Variants in FAM219A observed in about 807,000 individuals in gnomAD.
FAM219A encodes protein FAM219A.
FAM219A carries 7 observed loss-of-function variants against 23.4 expected under a neutral mutation model. The observed-to-expected ratio is 0.30, with a 90% CI of 0.17 to 0.56. The LOEUF is 0.56. Among genes scored for constraint, FAM219A ranks in the 20% least tolerant of loss-of-function variants. The pLI is 0.92. For synonymous variants in FAM219A, 93 were observed against 99.0 expected, an observed-to-expected ratio of 0.94 and a Z score of 0.36; for missense variants, 166 against 246.9, an observed-to-expected ratio of 0.67 and a Z score of 2.20.
chr9:34,445,719 C>A (rs183072241), intron 1 of FAM219A, among the ~76,000 whole-genome samples: 1 of 152,332 alleles, frequency 6.6e-6, no homozygotes, highest in East Asian at 1.9e-4. Context: ...GAAGGAGGGT[C>A]TAATCTAGGC....
At chr9:34,422,521 G>C (rs1167196836) in intron 1 of FAM219A, among the ~76,000 whole-genome samples, 1 of 152,176 alleles carries the variant, frequency 6.6e-6, no homozygotes, top group Non-Finnish European at 1.5e-5. Flanking sequence ...CACTTGGAAG[G>C]CTGGTACCTA....
rs112171778 is a variant in FAM219A, at chr9:34,438,004, G to A, written c.60+20200C>T. Among the ~76,000 whole-genome samples, 1,360 of 152,332 alleles carry A rather than the reference G, an allele frequency of 8.9e-3. 27 individuals carry two copies. The highest frequency in any genetic ancestry group is 0.03 in the African/African-American group (1,256 of 41,576). ...GTTCCGAGTGGGCGTGGGCTTGGCG[G>A]GCCCCGCACTCGGAGCAGCCGGCTG... is the stretch of plus-strand genomic sequence containing the variant. On this transcript the variant is annotated intron_variant, in intron 1 of 5. Coordinates refer to ENST00000651358, the MANE Select transcript of FAM219A (RefSeq NM_001184940.2).
intron 1 of FAM219A, among the ~76,000 whole-genome samples, chr9:34,424,782 T>C (rs1030487859): frequency 6.6e-6 from 1 of 152,194 alleles, no homozygotes; most frequent in African/African-American, 2.4e-5. Context: ...ATGGAACCTA[T>C]ACTCTGTTAT....
chr9:34,415,504 C>T (rs1384020723), intron 1 of FAM219A, among the ~76,000 whole-genome samples: 3 of 152,188 alleles, frequency 2.0e-5, no homozygotes, highest in African/African-American at 4.8e-5. Context: ...TAAAGTAATA[C>T]ATGCTAAAAT....
intron 1 of FAM219A, among the ~76,000 whole-genome samples, chr9:34,418,159 G>C (rs1215244405): frequency 6.6e-6 from 1 of 150,806 alleles, no homozygotes; most frequent in Non-Finnish European, 1.5e-5. Flanking sequence ...GGAACAGGGA[G>C]AGAAAAGGAT....
chr9:34,444,028 T>C (rs749470918), intron 1 of FAM219A, among the ~76,000 whole-genome samples: 2 of 152,174 alleles, frequency 1.3e-5, no homozygotes, highest in Non-Finnish European at 2.9e-5. Flanking sequence ...CCTAAACCAC[T>C]AGCTACTACC....
chr9:34,444,789 T>A (rs1823313258), intron 1 of FAM219A, among the ~76,000 whole-genome samples: 1 of 152,202 alleles, frequency 6.6e-6, no homozygotes, highest in African/African-American at 2.4e-5. Flanking sequence ...CATAGCAGCC[T>A]TACCTGACAT....
At chr9:34,406,274 C>CT in intron 1 of FAM219A, 1 of 984,458 alleles carries the variant, frequency 1.0e-6, no homozygotes, top group Non-Finnish European at 1.2e-6. Flanking sequence ...GGACTTCCTT[C>CT]TCCTAACTCC....
Position 34,400,912 on chromosome 9 carries a change from T to C in FAM219A, c.*52A>G. 1 of 1,473,204 alleles carries C rather than the reference T, an allele frequency of 6.8e-7. No homozygotes were observed. The highest frequency in any genetic ancestry group is 9.0e-7 in the Non-Finnish European group (1 of 1,110,772). The allele number at this position is 1,473,204 out of a possible 1,614,324, so 91.3% of individuals were successfully genotyped here. A position where few individuals can be genotyped will look rare whatever the true frequency, so the allele number is the denominator to read the frequency against. On this transcript the variant is annotated 3_prime_UTR_variant, in exon 6 of 6. Coordinates refer to ENST00000651358, the MANE Select transcript of FAM219A (RefSeq NM_001184940.2). Reference sequence around the variant, plus strand: ...CTGGGAAGGGGTCGGCCTCTGCCCGTCCTACCCGGCCCTTGGCGGCCCCGC... The same window carrying C: ...CTGGGAAGGGGTCGGCCTCTGCCCGCCCTACCCGGCCCTTGGCGGCCCCGC...
In FAM219A at chr9:34,402,762, C is replaced by T. The variant is rs1352126835; in HGVS notation, c.206G>A (p.Ser69Asn). Residue 69 changes from serine (S) to asparagine (N), a missense_variant, in exon 3 of 6, where the codon AGC (serine) becomes AAC (asparagine). Around this residue, in one of 3 missense-constraint regions of FAM219A, gnomAD observed 89 missense variants for 98.8 expected, o/e 0.90. Coordinates refer to ENST00000651358, the MANE Select transcript of FAM219A (RefSeq NM_001184940.2). The part of the protein sequence containing the change: ...LARKGSLKNG[S>N]MGSPVNQQPK... ...TTGCTGGTTGACAGGGCTACCCATGCTGCCATTCTTCAGGGAGCCCTTCCG... is the reference window on the plus strand; with the variant it reads ...TTGCTGGTTGACAGGGCTACCCATGTTGCCATTCTTCAGGGAGCCCTTCCG... 6.2e-7 allele frequency: 1 copy of T among 1,614,230 alleles called. No homozygotes were observed. Among genetic ancestry groups the T allele is most frequent in the South Asian group, 1.1e-5 (1 of 91,086 alleles).
intron 1 of FAM219A, among the ~76,000 whole-genome samples, chr9:34,449,998 A>G (rs1823503921): frequency 6.6e-6 from 1 of 152,184 alleles, no homozygotes. Context: ...ATTCCTTCAT[A>G]AGGATAAAAT....
chr9:34,426,860 T>A (rs1163644494), intron 1 of FAM219A, among the ~76,000 whole-genome samples: 1 of 152,142 alleles, frequency 6.6e-6, no homozygotes, highest in Non-Finnish European at 1.5e-5. Context: ...GATCCCCAGG[T>A]TGGGGCTAGA....
chr9:34,445,824 C>G (rs919168355), intron 1 of FAM219A, among the ~76,000 whole-genome samples: 7 of 152,190 alleles, frequency 4.6e-5, no homozygotes, highest in African/African-American at 1.7e-4. Context: ...TTTTCCTAAT[C>G]TGCTTAATGA....
chr9:34,426,908 G>A (rs200221967), intron 1 of FAM219A, among the ~76,000 whole-genome samples: 1 of 152,020 alleles, frequency 6.6e-6, no homozygotes, highest in East Asian at 1.9e-4. Flanking sequence ...GGCCCCTGCT[G>A]CTAGGAAGAT....
At chr9:34,415,589 C>T (rs938682169) in intron 1 of FAM219A, among the ~76,000 whole-genome samples, 4 of 152,174 alleles carry the variant, frequency 2.6e-5, no homozygotes, top group Non-Finnish European at 4.4e-5. Flanking sequence ...GAGTCTTTTG[C>T]GTATACTACA....
In FAM219A at chr9:34,429,418, C is replaced by A. The variant is rs561456194; in HGVS notation, c.61-23454G>T. ...TCCAGGCAGACTTACCCTCCTCACT[C>A]ACCAGCTCAGGGAATCATAAAGTGA... On this transcript the variant is annotated intron_variant, in intron 1 of 5. Coordinates refer to ENST00000651358, the MANE Select transcript of FAM219A (RefSeq NM_001184940.2). 4.5e-4 allele frequency among the ~76,000 whole-genome samples: 69 copies of A among 152,334 alleles called. 1 individual carries two copies. Among genetic ancestry groups the A allele is most frequent in the African/African-American group, 1.6e-3 (68 of 41,572 alleles).
At chr9:34,443,540 A>G (rs1823262685) in intron 1 of FAM219A, among the ~76,000 whole-genome samples, 1 of 152,018 alleles carries the variant, frequency 6.6e-6, no homozygotes, top group Admixed American at 6.5e-5. Flanking sequence ...AAAATCAGCA[A>G]CCCTTTCATT....
intron 1 of FAM219A, among the ~76,000 whole-genome samples, chr9:34,447,977 T>C (rs1823430821): frequency 6.6e-6 from 1 of 151,966 alleles, no homozygotes; most frequent in African/African-American, 2.4e-5. Context: ...GCTCAAGCCA[T>C]CCTCCCACCT....
intron 1 of FAM219A, among the ~76,000 whole-genome samples, chr9:34,451,255 T>C (rs1275990435): frequency 6.6e-6 from 1 of 152,188 alleles, no homozygotes; most frequent in Non-Finnish European, 1.5e-5. Flanking sequence ...TGCCAATTTC[T>C]AAACTCCAGA....
Sources: allele counts gnomAD v4.1 joint callset (sites outside exome capture counted in the v4.1 genomes callset), GRCh38; gene constraint gnomAD v4.1.1; regional missense constraint gnomAD v4.1.1; transcripts MANE v1.5; gene names NCBI Gene and HGNC (gene_info 2026-07-23, HGNC 2026-07-21).